The following TMEM51 variants were observed in gnomAD, a reference collection of about 807,000 sequenced individuals.
TMEM51 encodes the protein transmembrane protein 51.
Under a neutral mutation model 13.6 loss-of-function variants are expected in TMEM51, and 8 were observed. The ratio of observed to expected loss-of-function variants is 0.59; its 90% CI spans 0.35 to 1.07. TMEM51 has a LOEUF of 1.07. TMEM51 is among the 50% of genes least tolerant of loss of function. TMEM51 has a pLI of 0.02. For missense variants in TMEM51, 279 were observed against 330.7 expected (o/e 0.84, Z 1.21); for synonymous variants, 147 against 144.4 (o/e 1.02, Z -0.13).
At chr1:15,202,565 T>G (rs7533065) in intron 1 of TMEM51, among the ~76,000 whole-genome samples, 64,348 of 151,918 alleles carry the variant, frequency 0.42, 14,804 homozygotes, top group East Asian at 0.91. Flanking sequence ...TGGAGGCACC[T>G]GCATCCCTGG....
rs1392623062 is a variant in TMEM51 at position 15,193,571 on chromosome 1, C to CTTTTTT, written c.-266-16916_-266-16915insTTTTTT. On this transcript the variant is annotated intron_variant, in intron 1 of 3. Coordinates refer to ENST00000376008, the MANE Select transcript of TMEM51 (RefSeq NM_001136218.2). Reference sequence around the variant, plus strand: ...ACAGCATTTTCTTTTTCTTTTCTTTCTTTCTTTTTTTTTTTTTTTTTTTTG... The same window carrying CTTTTTT: ...ACAGCATTTTCTTTTTCTTTTCTTTCTTTTTTTTTCTTTTTTTTTTTTTTTTTTTTG... Among the ~76,000 whole-genome samples, 164 of 80,572 alleles carry CTTTTTT rather than the reference C, an allele frequency of 2.0e-3. 2 individuals carry two copies. Among genetic ancestry groups the CTTTTTT allele is most frequent in the African/African-American group, 2.5e-3 (44 of 17,698 alleles). 52.9% of individuals were successfully genotyped at this position (80,572 alleles called of 152,430 possible).
chr1:15,194,490 C>T (rs973799089), intron 1 of TMEM51, among the ~76,000 whole-genome samples: 2 of 152,182 alleles, frequency 1.3e-5, no homozygotes, highest in Non-Finnish European at 2.9e-5. Context: ...GCAGTGGGCT[C>T]CGTGGCTCCC....
chr1:15,177,907 T>G (rs10927698), intron 1 of TMEM51, among the ~76,000 whole-genome samples: 55,430 of 151,956 alleles, frequency 0.36, 11,649 homozygotes, highest in East Asian at 0.6. Flanking sequence ...CGCGAAGTCT[T>G]CTAACCCATA....
chr1:15,171,306 C>T, intron 1 of TMEM51: 2 of 1,304,116 alleles, frequency 1.5e-6, no homozygotes, highest in Non-Finnish European at 1.0e-6. Context: ...AGAAGCCAAA[C>T]TTCTATGACC....
intron 1 of TMEM51, chr1:15,164,472 G>A (rs1372543273): frequency 2.2e-6 from 1 of 456,082 alleles, no homozygotes; most frequent in East Asian, 6.9e-5. Context: ...CTACAAAGGT[G>A]AAGTGTGCTT....
chr1:15,198,186 G>A (rs149614037), intron 1 of TMEM51, among the ~76,000 whole-genome samples: 73 of 152,056 alleles, frequency 4.8e-4, no homozygotes, highest in African/African-American at 1.6e-3. Context: ...GGAAGCAGGG[G>A]GAGACATGTC....
At chr1:15,181,061 C>T (rs546787097) in intron 1 of TMEM51, among the ~76,000 whole-genome samples, 1 of 152,316 alleles carries the variant, frequency 6.6e-6, no homozygotes, top group South Asian at 2.1e-4. Context: ...GCTGTGTGCA[C>T]TGGTTCCAAG....
intron 1 of TMEM51, among the ~76,000 whole-genome samples, chr1:15,183,234 A>G (rs1357611719): frequency 6.6e-6 from 1 of 152,254 alleles, no homozygotes; most frequent in Non-Finnish European, 1.5e-5. Flanking sequence ...AATATCCCCC[A>G]ACAGCAGAAT....
At position 15,161,048 on chromosome 1, in the gene TMEM51, G is replaced by A. The variant is rs1019020326; in HGVS notation, c.-267+7094G>A. 6.6e-6 allele frequency among the ~76,000 whole-genome samples: 1 copy of A among 152,026 alleles called. No individual in the cohort carries two copies. The highest frequency in any genetic ancestry group is 2.1e-4 in the South Asian group (1 of 4,830). On this transcript the variant is annotated intron_variant, in intron 1 of 3. Coordinates refer to ENST00000376008, the MANE Select transcript of TMEM51 (RefSeq NM_001136218.2). This position sits in a 1 kb window ranked among gnomAD's most constrained non-coding sequence, Gnocchi z 4.0. Reference sequence around the variant, plus strand: ...GGGAGCGGGGAGGGCAGGTGCAGCCGCCACCGCCAAAGGTCTTCCTGGTGG... The same window carrying A: ...GGGAGCGGGGAGGGCAGGTGCAGCCACCACCGCCAAAGGTCTTCCTGGTGG...
rs143786848 is a variant in TMEM51 at position 15,190,611 on chromosome 1, A to T, written c.-266-19879A>T. ...TGCTCCCCTACCCTACCCCCAAAAG[A>T]TCTACATCCTAATCTTAGAATCTGT... is the stretch of plus-strand genomic sequence containing the variant. On this transcript the variant is annotated intron_variant, in intron 1 of 3. Coordinates refer to ENST00000376008, the MANE Select transcript of TMEM51 (RefSeq NM_001136218.2). Among the ~76,000 whole-genome samples, 875 of 152,082 alleles carry T rather than the reference A, an allele frequency of 5.8e-3. 6 individuals carry two copies. Among genetic ancestry groups the T allele is most frequent in the African/African-American group, 0.02 (828 of 41,452 alleles).
chr1:15,189,580 C>T (rs1364946319), intron 1 of TMEM51, among the ~76,000 whole-genome samples: 1 of 152,182 alleles, frequency 6.6e-6, no homozygotes, highest in African/African-American at 2.4e-5. Context: ...CACTGATCTA[C>T]CAGAGGCTGG....
At chr1:15,185,697 G>T (rs938339375) in intron 1 of TMEM51, among the ~76,000 whole-genome samples, 1 of 152,222 alleles carries the variant, frequency 6.6e-6, no homozygotes, top group Non-Finnish European at 1.5e-5. Flanking sequence ...CAAAAGATGG[G>T]AGGAATTTTA....
chr1:15,164,467 A>G (rs1642913781), intron 1 of TMEM51: 1 of 456,028 alleles, frequency 2.2e-6, no homozygotes, highest in Non-Finnish European at 4.4e-6. Context: ...GAATCCTACA[A>G]AGGTGAAGTG....
At chr1:15,199,682 C>A (rs946990105) in intron 1 of TMEM51, among the ~76,000 whole-genome samples, 1 of 152,162 alleles carries the variant, frequency 6.6e-6, no homozygotes, top group Non-Finnish European at 1.5e-5. Context: ...GTCACCAGGG[C>A]CCTCCAGCTC....
chr1:15,167,556 G>A (rs1212039989), intron 1 of TMEM51, among the ~76,000 whole-genome samples: 1 of 152,144 alleles, frequency 6.6e-6, no homozygotes, highest in Admixed American at 6.5e-5. Context: ...ATACCTAGGA[G>A]TGGAATTATT....
chr1:15,192,357 G>T, intron 1 of TMEM51: 1 of 389,104 alleles, frequency 2.6e-6, no homozygotes. Context: ...ACCCTCTCCA[G>T]AACCTGCACA....
chr1:15,183,033 G>A (rs1043295948), intron 1 of TMEM51, among the ~76,000 whole-genome samples: 1 of 152,322 alleles, frequency 6.6e-6, no homozygotes, highest in Non-Finnish European at 1.5e-5. Flanking sequence ...AAAGTACTAG[G>A]ATAACAGATG....
chr1:15,210,618 C>T (rs1644323742), intron 2 of TMEM51, 56 bp downstream of exon 2: 1 of 152,138 alleles, frequency 6.6e-6, no homozygotes, highest in Non-Finnish European at 1.5e-5. Context: ...GATATAGAAT[C>T]ATTCATACCT....
At chr1:15,199,135 CTTT>C (rs34449224) in intron 1 of TMEM51, among the ~76,000 whole-genome samples, 2 of 145,188 alleles carry the variant, frequency 1.4e-5, no homozygotes. Context: ...TTCACGGAGA[CTTT>C]TTTTTTTTTT....
Sources: gnomAD v4.1 joint callset for allele counts (sites outside exome capture counted in the v4.1 genomes callset) on GRCh38, gnomAD v4.1.1 for gene constraint, Gnocchi (gnomAD v3.1) non-coding constraint, MANE v1.5 for transcripts, NCBI Gene and HGNC (gene_info 2026-07-23, HGNC 2026-07-21) for gene names.